CTNNA2: variants seen among roughly 807,000 people sequenced by gnomAD.
CTNNA2 encodes the protein catenin alpha 2, also known as catenin alpha-2.
A neutral mutation model predicts 101.0 loss-of-function variants in CTNNA2; 42 were observed. That is an observed-to-expected ratio of 0.42 (90% CI 0.32 to 0.54). The LOEUF (loss-of-function observed/expected upper bound fraction) is 0.54. Ranked by LOEUF, CTNNA2 falls within the 20% of genes least tolerant of loss-of-function variation. The probability of loss-of-function intolerance (pLI) is 0.14; values close to 1 mark genes in which losing one functional copy is unlikely to be tolerated. For missense variants in CTNNA2, 871 were observed against 1,223.1 expected (o/e 0.71, Z 4.29); for synonymous variants, 450 against 456.4 (o/e 0.99, Z 0.18).
intron 15 of CTNNA2, among the ~76,000 whole-genome samples, chr2:80,599,738 C>T (rs1379317516): frequency 2.6e-5 from 4 of 152,120 alleles, no homozygotes; most frequent in Non-Finnish European, 5.9e-5. Flanking sequence ...TTATTTTACA[C>T]ATGACTTTAA....
intron 7 of CTNNA2, among the ~76,000 whole-genome samples, chr2:80,316,792 A>G (rs1163982566): frequency 6.6e-6 from 1 of 152,180 alleles, no homozygotes. Flanking sequence ...TAGTTAACAA[A>G]TATCTATTGA....
chr2:80,129,280 A>G (rs1288681189), intron 7 of CTNNA2, among the ~76,000 whole-genome samples: 1 of 152,194 alleles, frequency 6.6e-6, no homozygotes, highest in African/African-American at 2.4e-5. Context: ...AGTCTATTAC[A>G]GGGGTCCCGC....
At chr2:80,318,698 C>T (rs948923378) in intron 7 of CTNNA2, among the ~76,000 whole-genome samples, 76 of 152,004 alleles carry the variant, frequency 5.0e-4, no homozygotes, top group African/African-American at 1.8e-3. Context: ...TAACATTGTC[C>T]CTGGCTTATA....
chr2:80,325,943 A>G (rs1249171683), intron 7 of CTNNA2, among the ~76,000 whole-genome samples: 1 of 152,132 alleles, frequency 6.6e-6, no homozygotes, highest in African/African-American at 2.4e-5. Flanking sequence ...CAGATTATCA[A>G]CCCCACCCTT....
intron 15 of CTNNA2, among the ~76,000 whole-genome samples, chr2:80,594,737 G>T (rs1236719111): frequency 6.6e-6 from 1 of 151,946 alleles, no homozygotes; most frequent in Non-Finnish European, 1.5e-5. Context: ...AGTTTTACCA[G>T]CACCATTTAT....
At chr2:80,553,498 T>G (rs145117168) in intron 11 of CTNNA2, among the ~76,000 whole-genome samples, 1 of 152,158 alleles carries the variant, frequency 6.6e-6, no homozygotes, top group African/African-American at 2.4e-5. Flanking sequence ...TTTTAACATA[T>G]TGGGTCATGA....
chr2:79,326,373 G>A (rs996572460), intron 3 of CTNNA2, among the ~76,000 whole-genome samples: 10 of 151,316 alleles, frequency 6.6e-5, no homozygotes, highest in South Asian at 2.1e-4. Context: ...AGTAATAGCA[G>A]GTTCTAAACA....
At chr2:79,564,601 A>G (rs1674993499) in intron 1 of CTNNA2, among the ~76,000 whole-genome samples, 1 of 152,198 alleles carries the variant, frequency 6.6e-6, no homozygotes, top group Non-Finnish European at 1.5e-5. Context: ...CATGGCATAA[A>G]AAGGAAGTTA....
At chr2:79,434,742 TG>T (rs1329291028) in intron 4 of CTNNA2, among the ~76,000 whole-genome samples, 1 of 152,096 alleles carries the variant, frequency 6.6e-6, no homozygotes, top group Non-Finnish European at 1.5e-5. Context: ...CCAGAATACA[TG>T]GGGACCAGAA....
intron 7 of CTNNA2, among the ~76,000 whole-genome samples, chr2:80,079,437 G>A (rs1210362381): frequency 6.6e-6 from 1 of 152,158 alleles, no homozygotes; most frequent in Non-Finnish European, 1.5e-5. Flanking sequence ...ACTAAGCACT[G>A]TAATTTCTGT....
chr2:80,429,353 T>G (rs1187646000), intron 9 of CTNNA2, among the ~76,000 whole-genome samples: 1 of 152,054 alleles, frequency 6.6e-6, no homozygotes, highest in Non-Finnish European at 1.5e-5. Flanking sequence ...AAACCTGAGG[T>G]TTTAAGAAGT....
rs1671045290 is a variant in CTNNA2, at chr2:79,475,901, GT to G, written c.-134-29151del. On this transcript the variant is annotated intron_variant, in intron 4 of 21. Transcript: ENST00000466387. ...GCTAAAATAAGATAAATGAAGGGCA[GT>G]TGACCAACCCCGAATTGAATGCATT... Among the ~76,000 whole-genome samples the G allele has an allele frequency of 1.3e-5, 2 of 152,078 alleles. 1 individual carries two copies. The highest frequency in any genetic ancestry group is 1.3e-4 in the Admixed American group (2 of 15,260).
At chr2:79,869,700 T>A (rs753856866) in intron 4 of CTNNA2, 116 bp from the exon 5 acceptor site, 68 of 1,311,142 alleles carry the variant, frequency 5.2e-5, no homozygotes, top group Non-Finnish European at 6.8e-5. Context: ...TTTTTTCATT[T>A]ACATGTTAAC....
At chr2:79,835,424 A>G (rs1679248959) in intron 3 of CTNNA2, among the ~76,000 whole-genome samples, 2 of 152,184 alleles carry the variant, frequency 1.3e-5, no homozygotes, top group African/African-American at 2.4e-5. Flanking sequence ...GTCTTCTTTT[A>G]GAAGTGACTA....
Position 80,422,990 on chromosome 2 carries a change from T to A in CTNNA2, c.1290+3389T>A, listed in dbSNP as rs189869341. 7.9e-5 allele frequency among the ~76,000 whole-genome samples: 12 copies of A among 152,280 alleles called. 1 individual carries two copies. The highest frequency in any genetic ancestry group is 3.9e-4 in the Admixed American group (6 of 15,296). ...ATTTTCTAATTTACTGGCATAAAAT[T>A]GTCCATAATACATTTGTATTTTTTG... On this transcript the variant is annotated intron_variant, in intron 9 of 18. Coordinates refer to ENST00000402739, the MANE Select transcript of CTNNA2 (RefSeq NM_001282597.3).
At chr2:79,698,229 G>A (rs186679531) in intron 2 of CTNNA2, among the ~76,000 whole-genome samples, 17 of 152,110 alleles carry the variant, frequency 1.1e-4, no homozygotes, top group Admixed American at 3.9e-4. Flanking sequence ...TATTTCAAGA[G>A]TACGTTTAAG....
intron 2 of CTNNA2, among the ~76,000 whole-genome samples, chr2:79,698,916 C>T (rs1684814674): frequency 6.6e-6 from 1 of 152,050 alleles, no homozygotes; most frequent in Non-Finnish European, 1.5e-5. Flanking sequence ...CTTCTACTAG[C>T]CTGTCACGTT....
At chr2:80,426,174 C>T (rs10496242) in intron 9 of CTNNA2, among the ~76,000 whole-genome samples, 29,553 of 151,966 alleles carry the variant, frequency 0.19, 3,770 homozygotes, top group African/African-American at 0.36. Flanking sequence ...GAGGGTATGC[C>T]GAGCTGATCC....
At chr2:80,423,562 A>G (rs902545042) in intron 9 of CTNNA2, among the ~76,000 whole-genome samples, 1 of 152,176 alleles carries the variant, frequency 6.6e-6, no homozygotes, top group Non-Finnish European at 1.5e-5. Flanking sequence ...AAGAACTCCA[A>G]TGTTTGGATC....
Sources: allele counts gnomAD v4.1 joint callset (sites outside exome capture counted in the v4.1 genomes callset), GRCh38; gene constraint gnomAD v4.1.1; transcripts MANE v1.5; gene names NCBI Gene and HGNC (gene_info 2026-07-23, HGNC 2026-07-21).